The following ZNF521 variants were observed in gnomAD, a reference collection of about 807,000 sequenced individuals.
ZNF521 encodes LYST-interacting protein 3.
In ZNF521, 14 loss-of-function variants were observed where a neutral mutation model predicts 105.5. The ratio of observed to expected loss-of-function variants is 0.13; its 90% CI spans 0.09 to 0.21. ZNF521 has a LOEUF of 0.21. Ranked by LOEUF, ZNF521 falls within the 10% of genes least tolerant of loss-of-function variation. ZNF521 has a pLI of 1.00. For missense variants in ZNF521, 1,233 were observed against 1,629.7 expected (o/e 0.76, Z 4.19); for synonymous variants, 635 against 606.0 (o/e 1.05, Z -0.70).
At chr18:25,121,444 G>C (rs2034442241) in intron 5 of ZNF521, among the ~76,000 whole-genome samples, 1 of 151,884 alleles carries the variant, frequency 6.6e-6, no homozygotes, top group African/African-American at 2.4e-5. Context: ...GTAGAGACGG[G>C]GTTTCACCAT....
chr18:25,338,750 G>T (rs1914039253), intron 2 of ZNF521, among the ~76,000 whole-genome samples: 1 of 152,086 alleles, frequency 6.6e-6, no homozygotes. Flanking sequence ...ATGAATTGTT[G>T]ATGCACTATC....
chr18:25,132,816 G>A (rs2034664386), intron 5 of ZNF521, among the ~76,000 whole-genome samples: 1 of 152,296 alleles, frequency 6.6e-6, no homozygotes, highest in African/African-American at 2.4e-5. Flanking sequence ...TAAAAGGGGA[G>A]AAAAAGGAAC....
intron 4 of ZNF521, among the ~76,000 whole-genome samples, chr18:25,197,472 G>A (rs2035922112): frequency 6.6e-6 from 1 of 151,744 alleles, no homozygotes; most frequent in Non-Finnish European, 1.5e-5. Flanking sequence ...GATGTTAAAT[G>A]ACCTTTAAAG....
In ZNF521 at chr18:25,225,914, C is replaced by T; in HGVS notation, c.2004G>A (p.Gln668=). Residue 668 remains glutamine, a synonymous_variant, in exon 4 of 8, where the codon CAG becomes CAA. Coordinates refer to ENST00000361524, the MANE Select transcript of ZNF521 (RefSeq NM_015461.3). The surrounding 1 kb of genome is among the most constrained non-coding windows in gnomAD (Gnocchi z 5.6). ...DTVLPKLTCP[Q]CNKEFPNQES... ...CTTGGTTGGGGAATTCCTTGTTGCA[C>T]TGAGGACAGGTCAATTTTGGAAGCA... The T allele has an allele frequency of 1.2e-6, 2 of 1,614,100 alleles. No homozygotes were observed. Among genetic ancestry groups the T allele is most frequent in the South Asian group, 2.2e-5 (2 of 91,082 alleles).
At chr18:25,151,396 A>C (rs8083432) in intron 5 of ZNF521, among the ~76,000 whole-genome samples, 32,986 of 152,084 alleles carry the variant, frequency 0.22, 3,668 homozygotes, top group Middle Eastern at 0.3. Flanking sequence ...ACACCTTGTG[A>C]CTTAGCAGAT....
At chr18:25,223,610 T>C (rs1468957318) in intron 4 of ZNF521, among the ~76,000 whole-genome samples, 3 of 151,954 alleles carry the variant, frequency 2.0e-5, no homozygotes, top group East Asian at 1.9e-4. Context: ...TGATGACTTA[T>C]GAAATGATTT....
chr18:25,187,701 C>G (rs371643839), intron 5 of ZNF521, among the ~76,000 whole-genome samples: 7 of 152,116 alleles, frequency 4.6e-5, no homozygotes, highest in African/African-American at 1.7e-4. Flanking sequence ...TCCCAGGGCT[C>G]TCTCCATTGA....
intron 2 of ZNF521, among the ~76,000 whole-genome samples, chr18:25,340,881 C>T (rs1326893041): frequency 2.0e-5 from 3 of 151,766 alleles, no homozygotes; most frequent in Admixed American, 6.6e-5. Flanking sequence ...GTATAAAAAA[C>T]AGCTACCTTT....
chr18:25,142,301 A>C (rs530999288), intron 5 of ZNF521, among the ~76,000 whole-genome samples: 1 of 152,302 alleles, frequency 6.6e-6, no homozygotes, highest in Admixed American at 6.5e-5. Flanking sequence ...CAGGCATAGC[A>C]CCTGGGTTAT....
intron 3 of ZNF521, among the ~76,000 whole-genome samples, chr18:25,308,499 A>G (rs1320164422): frequency 1.3e-5 from 2 of 152,078 alleles, no homozygotes; most frequent in East Asian, 1.9e-4. Context: ...AGCAGATTCT[A>G]TGCTGCTTCA....
chr18:25,184,164 G>C (rs2035680206), intron 5 of ZNF521, among the ~76,000 whole-genome samples: 1 of 151,712 alleles, frequency 6.6e-6, no homozygotes, highest in Admixed American at 6.6e-5. Context: ...GACTTCATTT[G>C]CACCTACTCA....
intron 3 of ZNF521, among the ~76,000 whole-genome samples, chr18:25,291,643 A>C (rs1010989707): frequency 3.9e-5 from 6 of 152,204 alleles, no homozygotes; most frequent in African/African-American, 1.4e-4. Context: ...ACACCCAAAG[A>C]TCCCTGAGTC....
chr18:25,099,530 A>C (rs1166343867), intron 5 of ZNF521, among the ~76,000 whole-genome samples: 1 of 152,202 alleles, frequency 6.6e-6, no homozygotes, highest in East Asian at 1.9e-4. Flanking sequence ...TATGTATCTT[A>C]TATCTGAAAT....
At chr18:25,229,979 C>T (rs192507643) in intron 3 of ZNF521, among the ~76,000 whole-genome samples, 5 of 152,288 alleles carry the variant, frequency 3.3e-5, no homozygotes, top group Admixed American at 3.3e-4. Flanking sequence ...TATGCAATCC[C>T]TAACACCAGG....
At chr18:25,133,349 G>A (rs1045804780) in intron 5 of ZNF521, among the ~76,000 whole-genome samples, 14 of 152,198 alleles carry the variant, frequency 9.2e-5, no homozygotes, top group African/African-American at 3.1e-4. Flanking sequence ...GGAACTGGAA[G>A]TGGACAAATG....
intron 3 of ZNF521, among the ~76,000 whole-genome samples, chr18:25,276,035 T>C (rs569395597): frequency 2.9e-4 from 44 of 152,224 alleles, no homozygotes; most frequent in Admixed American, 5.2e-4. Context: ...CTTATAAAGG[T>C]AAAATTTGAA....
At chr18:25,107,390 C>T (rs2034095614) in intron 5 of ZNF521, among the ~76,000 whole-genome samples, 1 of 152,200 alleles carries the variant, frequency 6.6e-6, no homozygotes, top group Non-Finnish European at 1.5e-5. Context: ...ACTCTGTTTT[C>T]CCAACACTTC....
At chr18:25,270,240 C>T (rs984384841) in intron 3 of ZNF521, among the ~76,000 whole-genome samples, 2 of 151,926 alleles carry the variant, frequency 1.3e-5, no homozygotes, top group African/African-American at 4.8e-5. Flanking sequence ...AAGCTGAATC[C>T]CTGAATAGAC....
At chr18:25,297,142 C>T (rs200439764) in intron 3 of ZNF521, among the ~76,000 whole-genome samples, 14 of 146,226 alleles carry the variant, frequency 9.6e-5, no homozygotes, top group East Asian at 4.0e-4. Context: ...CACACACACA[C>T]ATATATATAT....
Sources: gnomAD v4.1 joint callset for allele counts (sites outside exome capture counted in the v4.1 genomes callset) on GRCh38, gnomAD v4.1.1 for gene constraint, Gnocchi (gnomAD v3.1) non-coding constraint, MANE v1.5 for transcripts, NCBI Gene and HGNC (gene_info 2026-07-23, HGNC 2026-07-21) for gene names.